Variants in RPL37 observed in about 807,000 individuals in gnomAD.
RPL37 encodes large ribosomal subunit protein eL37.
In RPL37, 1 loss-of-function variant was observed where a neutral mutation model predicts 14.8. The ratio of observed to expected loss-of-function variants is 0.07; its 90% CI spans 0.02 to 0.32. The LOEUF (loss-of-function observed/expected upper bound fraction) is 0.32. Ranked by LOEUF, RPL37 falls within the 10% of genes least tolerant of loss-of-function variation. RPL37 has a pLI of 1.00. For synonymous variants in RPL37, 53 were observed against 45.8 expected (o/e 1.16, Z -0.63); for missense variants, 100 against 128.3 (o/e 0.78, Z 1.06).
At position 40,830,138 on chromosome 5, in the gene RPL37, A is replaced by G. The variant is rs972231317; in HGVS notation, c.*2366T>C. On this transcript the variant is annotated 3_prime_UTR_variant, in exon 4 of 4. Coordinates refer to ENST00000274242, the MANE Select transcript of RPL37 (RefSeq NM_000997.5). ...GAGGGAGGCTTTTCAGGCAGAGGAC[A>G]GAGTTGAAAAGCAGATGGGGTACTT... The G allele has an allele frequency of 6.6e-6, 1 of 152,172 alleles. No individual in the cohort carries two copies. The highest frequency in any genetic ancestry group is 1.5e-5 in the Non-Finnish European group (1 of 68,038). The allele number at this position is 152,172 out of a possible 1,614,324, so 9.4% of individuals were successfully genotyped here. A position where few individuals can be genotyped will look rare whatever the true frequency, so the allele number is the denominator to read the frequency against.
In RPL37 at chr5:40,830,439, T is replaced by A. The variant is rs1745617867; in HGVS notation, c.*2065A>T. 1 of 151,592 alleles carries A rather than the reference T, an allele frequency of 6.6e-6. No individual in the cohort carries two copies. Among genetic ancestry groups the A allele is most frequent in the Non-Finnish European group, 1.5e-5 (1 of 67,980 alleles). The allele number at this position is 151,592 out of a possible 1,614,324, so 9.4% of individuals were successfully genotyped here. On this transcript the variant is annotated 3_prime_UTR_variant, in exon 4 of 4. Transcript: ENST00000274242. ...CTGGGCAACATAGTTTAACTCCATC[T>A]CCAATGCAAGATCCACTGCTTATTT...
chr5:40,834,053 CAAT>C, intron 3 of RPL37, 125 bp downstream of exon 3: 1 of 710,016 alleles, frequency 1.4e-6, no homozygotes, highest in Non-Finnish European at 2.4e-6. Flanking sequence ...TCAAAAACAA[CAAT>C]AAATAAAAAG....
intron 3 of RPL37, 35 bp downstream of exon 3, chr5:40,834,146 A>T (rs368205595): frequency 5.5e-6 from 8 of 1,460,668 alleles, no homozygotes; most frequent in Admixed American, 1.7e-5. Context: ...ATTCAAGCCC[A>T]CTGGACCAAT....
At chr5:40,834,706 TA>T in intron 1 of RPL37, 100 bp from the exon 2 acceptor site, 2 of 1,371,404 alleles carry the variant, frequency 1.5e-6, no homozygotes, top group Non-Finnish European at 2.0e-6. Flanking sequence ...AAGGCAATCG[TA>T]AAGATCGAAA....
At position 40,825,445 on chromosome 5, in the gene RPL37, G is replaced by A. The variant is rs891288358; in HGVS notation, c.*7059C>T. On this transcript the variant is annotated 3_prime_UTR_variant, in exon 4 of 4. Transcript: ENST00000274242. ...AAGCATTGTGCTGTGCTGCCTCACAGGGGTACGTTCCCAGAGGTTTCTCTC... is the reference window on the plus strand; with the variant it reads ...AAGCATTGTGCTGTGCTGCCTCACAAGGGTACGTTCCCAGAGGTTTCTCTC... 2.6e-5 allele frequency: 4 copies of A among 152,298 alleles called. No individual in the cohort carries two copies. The East Asian group carries it at 7.7e-4, about 29-fold the overall frequency. The allele number at this position is 152,298 out of a possible 1,614,324, so 9.4% of individuals were successfully genotyped here. A position where few individuals can be genotyped will look rare whatever the true frequency, so the allele number is the denominator to read the frequency against.
Position 40,831,648 on chromosome 5 carries a change from A to C in RPL37, c.*856T>G, listed in dbSNP as rs1191243020. On this transcript the variant is annotated 3_prime_UTR_variant, in exon 4 of 4. Coordinates refer to ENST00000274242, the MANE Select transcript of RPL37 (RefSeq NM_000997.5). ...GCCCTCTCACTCAGCAGTCCAGTTG[A>C]CTTTGTCCCTTCATTTTAAAAAAAC... is the stretch of plus-strand genomic sequence containing the variant. The C allele has an allele frequency of 6.6e-6, 1 of 152,256 alleles. No homozygotes were observed. The highest frequency in any genetic ancestry group is 1.5e-5 in the Non-Finnish European group (1 of 68,020). 9.4% of individuals were successfully genotyped at this position (152,256 alleles called of 1,614,324 possible). A position where few individuals can be genotyped will look rare whatever the true frequency, so the allele number is the denominator to read the frequency against.
At position 40,831,322 on chromosome 5, in the gene RPL37, C is replaced by T. The variant is rs1021792688; in HGVS notation, c.*1182G>A. 6.6e-6 allele frequency: 1 copy of T among 152,334 alleles called. No homozygotes were observed. The allele number at this position is 152,334 out of a possible 1,614,324, so 9.4% of individuals were successfully genotyped here. ...CATACATCTTTAAAGTATAGTCTCA[C>T]ATTTCGGGAGGAAGCCCAAGAGAGA... is the stretch of plus-strand genomic sequence containing the variant. On this transcript the variant is annotated 3_prime_UTR_variant, in exon 4 of 4. Transcript: ENST00000274242.
Position 40,832,296 on chromosome 5 carries a change from G to A in RPL37, c.*208C>T. 1 of 570,042 alleles carries A rather than the reference G, an allele frequency of 1.8e-6. No homozygotes were observed. 35.3% of individuals were successfully genotyped at this position (570,042 alleles called of 1,614,324 possible). A position where few individuals can be genotyped will look rare whatever the true frequency, so the allele number is the denominator to read the frequency against. ...CCTGGAATTCTGCTTGTTTCTCATT[G>A]CCTTTAACCGTGTTACAAACCCAGT... On this transcript the variant is annotated 3_prime_UTR_variant, in exon 4 of 4. Coordinates refer to ENST00000274242, the MANE Select transcript of RPL37 (RefSeq NM_000997.5).
In RPL37 at chr5:40,825,412, A is replaced by G. The variant is rs1461412866; in HGVS notation, c.*7092T>C. 1 of 152,158 alleles carries G rather than the reference A, an allele frequency of 6.6e-6. No individual in the cohort carries two copies. The highest frequency in any genetic ancestry group is 1.5e-5 in the Non-Finnish European group (1 of 68,028). The allele number at this position is 152,158 out of a possible 1,614,324, so 9.4% of individuals were successfully genotyped here. On this transcript the variant is annotated 3_prime_UTR_variant, in exon 4 of 4. Coordinates refer to ENST00000274242, the MANE Select transcript of RPL37 (RefSeq NM_000997.5). ...AATGGAGATATATCAACTCTCATACAATTCTAAAAGCATTGTGCTGTGCTG... is the reference window on the plus strand; with the variant it reads ...AATGGAGATATATCAACTCTCATACGATTCTAAAAGCATTGTGCTGTGCTG...
At position 40,834,714 on chromosome 5, in the gene RPL37, G is replaced by C. The variant is rs569927085; in HGVS notation, c.4-108C>G. 117 of 1,263,912 alleles carry C rather than the reference G, an allele frequency of 9.3e-5. 1 individual carries two copies. In the South Asian group the frequency reaches 1.4e-3, roughly 15 times the overall value. 78.3% of individuals were successfully genotyped at this position (1,263,912 alleles called of 1,614,324 possible). On this transcript the variant is annotated intron_variant, in intron 1 of 3. Coordinates refer to ENST00000274242, the MANE Select transcript of RPL37 (RefSeq NM_000997.5). ...AAATTTAAAGGCAATCGTAAAGATCGAAACTGCGGGAGAAGCCTCTTTCCA... is the reference window on the plus strand; with the variant it reads ...AAATTTAAAGGCAATCGTAAAGATCCAAACTGCGGGAGAAGCCTCTTTCCA...
In RPL37 at chr5:40,829,847, G is replaced by A. The variant is rs1219105429; in HGVS notation, c.*2657C>T. The A allele has an allele frequency of 6.6e-6, 1 of 152,044 alleles. No homozygotes were observed. The highest frequency in any genetic ancestry group is 1.5e-5 in the Non-Finnish European group (1 of 68,034). 9.4% of individuals were successfully genotyped at this position (152,044 alleles called of 1,614,324 possible). A position where few individuals can be genotyped will look rare whatever the true frequency, so the allele number is the denominator to read the frequency against. Reference sequence around the variant, plus strand: ...ACCACCACGCCCGGCTAATATTTTTGTATTTTTAGTAGAGACGGGGTTTCT... The same window carrying A: ...ACCACCACGCCCGGCTAATATTTTTATATTTTTAGTAGAGACGGGGTTTCT... On this transcript the variant is annotated 3_prime_UTR_variant, in exon 4 of 4. Coordinates refer to ENST00000274242, the MANE Select transcript of RPL37 (RefSeq NM_000997.5).
rs760138065 is a variant in RPL37 at position 40,832,547 on chromosome 5, G to C, written c.251C>G (p.Pro84Arg). ...FRHGFREGTT[P>R]KPKRAAVAAS... is the part of the protein sequence containing the mutation. ...TGCAACAGCTGCCCTCTTGGGTTTAGGTGTTGTTCCTTCACGGAATCCATG... is the reference window on the plus strand; with the variant it reads ...TGCAACAGCTGCCCTCTTGGGTTTACGTGTTGTTCCTTCACGGAATCCATG... The change falls in exon 4 of 4, where the codon CCT becomes CGT. Residue 84 changes from proline to arginine, a missense_variant. By Grantham distance (103) the Pro-to-Arg change is moderately radical (BLOSUM62 -2). Coordinates refer to ENST00000274242, the MANE Select transcript of RPL37 (RefSeq NM_000997.5). The C allele has an allele frequency of 6.2e-7, 1 of 1,614,020 alleles. No individual in the cohort carries two copies. The highest frequency in any genetic ancestry group is 1.1e-5 in the South Asian group (1 of 91,072).
At position 40,834,490 on chromosome 5, in the gene RPL37, A is replaced by C. The variant is rs1390164548; in HGVS notation, c.120T>G (p.Pro40=). 1.9e-6 allele frequency: 3 copies of C among 1,613,262 alleles called. No homozygotes were observed. Among genetic ancestry groups the C allele is most frequent in the East Asian group, 2.2e-5 (1 of 44,884 alleles). The change falls in exon 2 of 4, where the codon CCT becomes CCG. Residue 40 remains proline, a synonymous_variant. Coordinates refer to ENST00000274242, the MANE Select transcript of RPL37 (RefSeq NM_000997.5). ...QKSTCGKCGY[P]AKRKRKYNWS... ...ACTTACACTTTCTCTTGCGCTTGGC[A>C]GGGTAGCCACATTTGCCACAGGTCG...
chr5:40,832,568 C>T lies in RPL37; in HGVS notation c.230G>A (p.Gly77Glu). The T allele has an allele frequency of 1.9e-6, 3 of 1,613,826 alleles. No individual in the cohort carries two copies. Among genetic ancestry groups the T allele is most frequent in the Non-Finnish European group, 2.5e-6 (3 of 1,179,702 alleles). ...LKIVYRRFRHGFREGTTPKPK... is the reference protein window; with the variant it reads ...LKIVYRRFRHEFREGTTPKPK... ...TTTAGGTGTTGTTCCTTCACGGAAT[C>T]CATGCCTGCAGGATGTCAAAAACAA... Residue 77 changes from glycine (G) to glutamate (E), a missense_variant, in exon 4 of 4, where the codon GGA becomes GAA. Gly to Glu is a moderately conservative substitution (Grantham distance 98). Coordinates refer to ENST00000274242, the MANE Select transcript of RPL37 (RefSeq NM_000997.5).
chr5:40,834,385 G>A (rs1745716217), intron 2 of RPL37, 86 bp downstream of exon 2: 1 of 1,576,458 alleles, frequency 6.3e-7, no homozygotes, highest in Non-Finnish European at 8.7e-7. Flanking sequence ...TTTAAGATAG[G>A]CACCAAATAA....
rs1328855654 is a variant in RPL37, at chr5:40,829,677, G to GTGTATACA, written c.*2826_*2827insTGTATACA. On this transcript the variant is annotated 3_prime_UTR_variant, in exon 4 of 4. Coordinates refer to ENST00000274242, the MANE Select transcript of RPL37 (RefSeq NM_000997.5). ...TCCATCATAGTGTGTGTGTGTGTGT[G>GTGTATACA]TATATATATATATATATATATCAAC... is the stretch of plus-strand genomic sequence containing the variant. The GTGTATACA allele has an allele frequency of 6.8e-6, 1 of 146,280 alleles. No homozygotes were observed. Among genetic ancestry groups the GTGTATACA allele is most frequent in the Non-Finnish European group, 1.5e-5 (1 of 65,394 alleles). The allele number at this position is 146,280 out of a possible 1,614,324, so 9.1% of individuals were successfully genotyped here.
rs1328855654 is a variant in RPL37, at chr5:40,829,677, G to GTGTATATA, written c.*2826_*2827insTATATACA. 4 of 146,280 alleles carry GTGTATATA rather than the reference G, an allele frequency of 2.7e-5. No individual in the cohort carries two copies. The highest frequency in any genetic ancestry group is 1.0e-4 in the African/African-American group (4 of 39,904). The allele number at this position is 146,280 out of a possible 1,614,324, so 9.1% of individuals were successfully genotyped here. ...TCCATCATAGTGTGTGTGTGTGTGT[G>GTGTATATA]TATATATATATATATATATATCAAC... On this transcript the variant is annotated 3_prime_UTR_variant, in exon 4 of 4. Transcript: ENST00000274242.
Position 40,828,039 on chromosome 5 carries a change from CA to C in RPL37, c.*4464del, listed in dbSNP as rs1579788728. The stretch of plus-strand genomic sequence containing the variant: ...GCCTCTTTCTCTGAAACAAGTTCTT[CA>C]GTAAAATAATTCTGTAATGTATTGC... On this transcript the variant is annotated 3_prime_UTR_variant, in exon 4 of 4. Coordinates refer to ENST00000274242, the MANE Select transcript of RPL37 (RefSeq NM_000997.5). 1 of 152,198 alleles carries C rather than the reference CA, an allele frequency of 6.6e-6. No homozygotes were observed. The highest frequency in any genetic ancestry group is 2.4e-5 in the African/African-American group (1 of 41,454). The allele number at this position is 152,198 out of a possible 1,614,324, so 9.4% of individuals were successfully genotyped here.
rs1482651952 is a variant in RPL37 at position 40,828,102 on chromosome 5, T to C, written c.*4402A>G. On this transcript the variant is annotated 3_prime_UTR_variant, in exon 4 of 4. Transcript: ENST00000274242. ...TACATGAAGTTATGCTATTACAAAATTAAGTTTCAATTACAGGCAAGGTTA... is the reference window on the plus strand; with the variant it reads ...TACATGAAGTTATGCTATTACAAAACTAAGTTTCAATTACAGGCAAGGTTA... 6.6e-6 allele frequency: 1 copy of C among 152,302 alleles called. No individual in the cohort carries two copies. Among genetic ancestry groups the C allele is most frequent in the East Asian group, 1.9e-4 (1 of 5,194 alleles). The allele number at this position is 152,302 out of a possible 1,614,324, so 9.4% of individuals were successfully genotyped here.
Sources: gnomAD v4.1 joint callset for allele counts on GRCh38, gnomAD v4.1.1 for gene constraint, MANE v1.5 for transcripts, NCBI Gene and HGNC (gene_info 2026-07-23, HGNC 2026-07-21) for gene names.